The following CEP112 variants were observed in gnomAD, a reference collection of about 807,000 sequenced individuals.
CEP112 encodes the protein centrosomal protein of 112 kDa.
Under a neutral mutation model 153.0 loss-of-function variants are expected in CEP112, and 127 were observed. The observed-to-expected ratio is 0.83, with a 90% CI of 0.72 to 0.96. The LOEUF (loss-of-function observed/expected upper bound fraction) is 0.96. CEP112 is among the 40% of genes least tolerant of loss of function. CEP112 has a pLI of 0.00. For synonymous variants in CEP112, 358 were observed against 374.4 expected, an observed-to-expected ratio of 0.96 and a Z score of 0.51; for missense variants, 1,089 against 1,101.2, an observed-to-expected ratio of 0.99 and a Z score of 0.16.
At chr17:65,816,677 T>A (rs1189967148) in intron 21 of CEP112, among the ~76,000 whole-genome samples, 1 of 152,090 alleles carries the variant, frequency 6.6e-6, no homozygotes, top group African/African-American at 2.4e-5. Context: ...ATCCTTTTTA[T>A]ATATTGATGG....
intron 25 of CEP112, among the ~76,000 whole-genome samples, chr17:65,637,731 T>C (rs1451981578): frequency 6.6e-6 from 1 of 152,244 alleles, no homozygotes; most frequent in African/African-American, 2.4e-5. Flanking sequence ...TTTGTTTTCA[T>C]ATCTCTTCCC....
intron 1 of CEP112, among the ~76,000 whole-genome samples, chr17:66,185,274 G>C (rs1208050626): frequency 2.0e-5 from 3 of 152,204 alleles, no homozygotes; most frequent in African/African-American, 7.2e-5. Flanking sequence ...AGGCTATGGA[G>C]TGCAATGGCA....
chr17:65,640,972 T>G lies in CEP112; in HGVS notation c.2791A>C (p.Lys931Gln). The G allele has an allele frequency of 6.3e-7, 1 of 1,582,294 alleles. No individual in the cohort carries two copies. ...QELEDTISSL[K>Q]SQVNFLQKRA... ...TTGATTCTAGTAATTACCTGTGATT[T>G]TAGGGAGGAAATGGTGTCTTCAAGT... Residue 931 changes from lysine (K) to glutamine (Q), a missense_variant, in exon 25 of 27, where the codon AAA becomes CAA. Coordinates refer to ENST00000535342, the MANE Select transcript of CEP112 (RefSeq NM_001199165.4).
intron 23 of CEP112, among the ~76,000 whole-genome samples, chr17:65,690,091 A>G (rs1197334861): frequency 6.9e-6 from 1 of 145,022 alleles, no homozygotes; most frequent in East Asian, 2.1e-4. Context: ...TACTCTAGAC[A>G]TAGCAATGAA....
intron 20 of CEP112, among the ~76,000 whole-genome samples, chr17:65,886,136 C>G (rs1202030163): frequency 6.6e-6 from 1 of 152,132 alleles, no homozygotes; most frequent in Non-Finnish European, 1.5e-5. Flanking sequence ...CAAACCGCAG[C>G]TGGGTGGCTG....
At chr17:65,857,284 A>G (rs1000256490) in intron 20 of CEP112, among the ~76,000 whole-genome samples, 2 of 152,240 alleles carry the variant, frequency 1.3e-5, no homozygotes, top group Non-Finnish European at 2.9e-5. Context: ...CAACAAAATA[A>G]GGTGGGTTGG....
chr17:65,703,113 G>A (rs2144615113), intron 23 of CEP112, among the ~76,000 whole-genome samples: 1 of 152,256 alleles, frequency 6.6e-6, no homozygotes, highest in South Asian at 2.1e-4. Flanking sequence ...TGCATAAGAG[G>A]GGATTGGTGT....
chr17:66,086,514 C>T (rs964941524), intron 8 of CEP112, among the ~76,000 whole-genome samples: 11 of 148,878 alleles, frequency 7.4e-5, no homozygotes, highest in Non-Finnish European at 1.0e-4. Context: ...TGCCACTCTC[C>T]TGCCTCAGCC....
chr17:65,736,433 C>T (rs1426699374), intron 23 of CEP112, among the ~76,000 whole-genome samples: 1 of 151,982 alleles, frequency 6.6e-6, no homozygotes, highest in Non-Finnish European at 1.5e-5. Context: ...GTCAGAAATG[C>T]GGATTGAGGG....
At chr17:65,924,198 G>A (rs567571437) in intron 19 of CEP112, among the ~76,000 whole-genome samples, 49 of 152,132 alleles carry the variant, frequency 3.2e-4, no homozygotes, top group Non-Finnish European at 4.6e-4. Flanking sequence ...GGATGGTCTC[G>A]ATCTCCTAAC....
rs116692472 is a variant in CEP112, at chr17:65,917,038, T to C, written c.1980+10544A>G. 6.7e-3 allele frequency among the ~76,000 whole-genome samples: 1,022 copies of C among 152,294 alleles called. 12 individuals are homozygous for C. The highest frequency in any genetic ancestry group is 0.024 in the African/African-American group (989 of 41,566). ...CCTGGACACAGGGGCCCAGGCTCTA[T>C]AGCCTCACAGCCTGGGGCTCTGAGT... is the stretch of plus-strand genomic sequence containing the variant. On this transcript the variant is annotated intron_variant, in intron 19 of 26. Coordinates refer to ENST00000535342, the MANE Select transcript of CEP112 (RefSeq NM_001199165.4).
chr17:66,046,333 C>T (rs954292289), intron 12 of CEP112, among the ~76,000 whole-genome samples: 12 of 152,124 alleles, frequency 7.9e-5, no homozygotes, highest in African/African-American at 2.9e-4. Flanking sequence ...TGAGCCACCA[C>T]GCCCGGCCAA....
intron 4 of CEP112, among the ~76,000 whole-genome samples, chr17:66,162,155 AT>A (rs2071739970): frequency 2.0e-5 from 3 of 152,168 alleles, no homozygotes; most frequent in Non-Finnish European, 2.9e-5. Flanking sequence ...CATTTTTTCC[AT>A]ACTTAAAAAA....
chr17:65,746,203 A>T (rs1364858588), intron 22 of CEP112, among the ~76,000 whole-genome samples: 1 of 151,626 alleles, frequency 6.6e-6, no homozygotes, highest in African/African-American at 2.4e-5. Context: ...AGAAAAGAAA[A>T]AAATGCAGGT....
chr17:65,856,652 T>C (rs2058129597), intron 20 of CEP112, among the ~76,000 whole-genome samples: 1 of 152,198 alleles, frequency 6.6e-6, no homozygotes. Context: ...TACTTGGATA[T>C]ATTGCATAGT....
At chr17:65,909,296 T>C (rs1345452) in intron 19 of CEP112, among the ~76,000 whole-genome samples, 63,196 of 152,040 alleles carry the variant, frequency 0.42, 13,689 homozygotes, top group South Asian at 0.64. Flanking sequence ...AAACGGGTTA[T>C]AGCTAGAGAA....
At chr17:65,997,660 T>C (rs2063838884) in intron 17 of CEP112, among the ~76,000 whole-genome samples, 2 of 152,164 alleles carry the variant, frequency 1.3e-5, no homozygotes, top group Non-Finnish European at 2.9e-5. Flanking sequence ...ATTATAATTT[T>C]TCCTTCTAAA....
chr17:65,912,062 C>A (rs1193441081), intron 19 of CEP112, among the ~76,000 whole-genome samples: 1 of 152,166 alleles, frequency 6.6e-6, no homozygotes, highest in Non-Finnish European at 1.5e-5. Context: ...CGAACCAACT[C>A]AGATCGGGAA....
At chr17:66,044,473 T>C (rs1229881573) in intron 12 of CEP112, among the ~76,000 whole-genome samples, 1 of 152,166 alleles carries the variant, frequency 6.6e-6, no homozygotes, top group Admixed American at 6.5e-5. Flanking sequence ...AACTCAACTG[T>C]CCATCTGCCA....
Sources: gnomAD v4.1 joint callset for allele counts (sites outside exome capture counted in the v4.1 genomes callset) on GRCh38, gnomAD v4.1.1 for gene constraint, MANE v1.5 for transcripts, NCBI Gene and HGNC (gene_info 2026-07-23, HGNC 2026-07-21) for gene names.